Variants in ARHGAP15 observed in about 807,000 individuals in gnomAD.
The protein encoded by ARHGAP15 is Rho GTPase activating protein 15.
Under a neutral mutation model 63.7 loss-of-function variants are expected in ARHGAP15, and 51 were observed. The ratio of observed to expected loss-of-function variants is 0.80; its 90% CI spans 0.64 to 1.01. ARHGAP15 has a LOEUF of 1.01. Among genes scored for constraint, ARHGAP15 ranks in the 50% least tolerant of loss-of-function variants. ARHGAP15 has a pLI of 0.00. For synonymous variants in ARHGAP15, 191 were observed against 193.8 expected (o/e 0.99, Z 0.12); for missense variants, 560 against 564.6 (o/e 0.99, Z 0.08).
intron 6 of ARHGAP15, among the ~76,000 whole-genome samples, chr2:143,267,428 T>C (rs961445675): frequency 6.6e-6 from 1 of 152,194 alleles, no homozygotes; most frequent in Non-Finnish European, 1.5e-5. Flanking sequence ...TGCATGCCGA[T>C]TCATATCTAT....
intron 5 of ARHGAP15, among the ~76,000 whole-genome samples, chr2:143,248,703 G>A (rs1261146820): frequency 6.6e-6 from 1 of 152,188 alleles, no homozygotes; most frequent in Non-Finnish European, 1.5e-5. Flanking sequence ...GTTAGCCACA[G>A]TGCTGGGCCC....
At position 143,455,371 on chromosome 2, in the gene ARHGAP15, T is replaced by G. The variant is rs371126382; in HGVS notation, c.703+18329T>G. ...ATTGCCATCTTGGTTTTGGTGGGAT[T>G]TGGCTGGCTTCTTTACCACATCCTT... On this transcript the variant is annotated intron_variant, in intron 8 of 13. Coordinates refer to ENST00000295095, the MANE Select transcript of ARHGAP15 (RefSeq NM_018460.4). Among the ~76,000 whole-genome samples, 11 of 151,918 alleles carry G rather than the reference T, an allele frequency of 7.2e-5. No individual in the cohort carries two copies. In the East Asian group the frequency reaches 1.9e-3, roughly 27 times the overall value.
At chr2:143,131,590 C>G (rs1193481956) in intron 1 of ARHGAP15, among the ~76,000 whole-genome samples, 2 of 152,170 alleles carry the variant, frequency 1.3e-5, no homozygotes, top group African/African-American at 4.8e-5. Context: ...ATAGACCCTT[C>G]CATTCACTGG....
intron 11 of ARHGAP15, among the ~76,000 whole-genome samples, chr2:143,592,541 G>A (rs946433335): frequency 1.3e-5 from 2 of 152,138 alleles, no homozygotes; most frequent in Non-Finnish European, 2.9e-5. Context: ...AGTGGAGTCT[G>A]CAGCCCTGTG....
At chr2:143,139,899 A>C (rs1463994118) in intron 1 of ARHGAP15, among the ~76,000 whole-genome samples, 1 of 152,142 alleles carries the variant, frequency 6.6e-6, no homozygotes, top group Non-Finnish European at 1.5e-5. Flanking sequence ...CAAGTTACTT[A>C]ATCTTTCTGA....
At chr2:143,721,674 C>T (rs1039184769) in intron 13 of ARHGAP15, among the ~76,000 whole-genome samples, 32 of 151,924 alleles carry the variant, frequency 2.1e-4, no homozygotes, top group Admixed American at 1.1e-3. Context: ...TGCTGAAAAA[C>T]GTGGACCTTT....
At chr2:143,350,363 A>G (rs1685502795) in intron 6 of ARHGAP15, among the ~76,000 whole-genome samples, 1 of 152,144 alleles carries the variant, frequency 6.6e-6, no homozygotes, top group Non-Finnish European at 1.5e-5. Flanking sequence ...AGAACTCTAC[A>G]CTCATGAACA....
rs550059930 is a variant in ARHGAP15, at chr2:143,167,319, T to C, written c.165+11664T>C. Among the ~76,000 whole-genome samples the C allele has an allele frequency of 6.6e-5, 10 of 152,272 alleles. No individual in the cohort carries two copies. The South Asian group carries it at 2.1e-3, about 32-fold the overall frequency. ...CATGCCATTGTAGCCTTTAAAGTAC[T>C]TGCTGGCCATTTTACTAACGTGCAC... is the stretch of plus-strand genomic sequence containing the variant. On this transcript the variant is annotated intron_variant, in intron 2 of 13. Coordinates refer to ENST00000295095, the MANE Select transcript of ARHGAP15 (RefSeq NM_018460.4).
chr2:143,549,478 G>T (rs1000990446), intron 10 of ARHGAP15, among the ~76,000 whole-genome samples: 1 of 152,058 alleles, frequency 6.6e-6, no homozygotes, highest in Admixed American at 6.6e-5. Context: ...GTTCTTTCCA[G>T]GGGTGTCCCA....
intron 11 of ARHGAP15, among the ~76,000 whole-genome samples, chr2:143,570,033 T>C (rs1696387965): frequency 6.6e-6 from 1 of 152,190 alleles, no homozygotes; most frequent in South Asian, 2.1e-4. Context: ...AATTTTATTA[T>C]CTTTAAAGCA....
chr2:143,578,760 A>C (rs953165582), intron 11 of ARHGAP15, among the ~76,000 whole-genome samples: 9 of 152,308 alleles, frequency 5.9e-5, no homozygotes, highest in South Asian at 2.1e-4. Context: ...TTGAATAAAT[A>C]ATTTAGTTTT....
intron 9 of ARHGAP15, among the ~76,000 whole-genome samples, chr2:143,501,191 A>T (rs959428199): frequency 5.3e-5 from 8 of 152,176 alleles, no homozygotes; most frequent in African/African-American, 1.4e-4. Flanking sequence ...AATTTCAGAA[A>T]AACCATTGCT....
chr2:143,219,242 C>T (rs1046919077), intron 4 of ARHGAP15, among the ~76,000 whole-genome samples: 1 of 152,130 alleles, frequency 6.6e-6, no homozygotes, highest in Admixed American at 6.5e-5. Context: ...CAATTGCCTA[C>T]AGTATTCAGT....
rs538338967 is a variant in ARHGAP15 at position 143,638,641 on chromosome 2, T to C, written c.1138+14374T>C. 2.0e-3 allele frequency among the ~76,000 whole-genome samples: 247 copies of C among 124,206 alleles called. 1 individual carries two copies. Among genetic ancestry groups the C allele is most frequent in the African/African-American group, 6.7e-3 (233 of 34,546 alleles). The allele number at this position is 124,206 out of a possible 152,430, so 81.5% of individuals were successfully genotyped here. A position where few individuals can be genotyped will look rare whatever the true frequency, so the allele number is the denominator to read the frequency against. On this transcript the variant is annotated intron_variant, in intron 12 of 13. Transcript: ENST00000295095. ...CAATGTGCACATGTACCCTAAAACT[T>C]AAAGTATAATAATAAAAAATAAATA...
At chr2:143,209,316 A>G (rs776889930) in intron 3 of ARHGAP15, among the ~76,000 whole-genome samples, 1 of 152,150 alleles carries the variant, frequency 6.6e-6, no homozygotes, top group Non-Finnish European at 1.5e-5. Flanking sequence ...TAATTTAATA[A>G]TGCTAATAGA....
intron 12 of ARHGAP15, among the ~76,000 whole-genome samples, chr2:143,646,164 TAATA>T (rs960917831): frequency 2.6e-5 from 4 of 152,044 alleles, no homozygotes; most frequent in African/African-American, 9.7e-5. Context: ...TGCAGCACCA[TAATA>T]AATGTATGAA....
At chr2:143,310,279 A>ATGTC (rs1387092376) in intron 6 of ARHGAP15, among the ~76,000 whole-genome samples, 4 of 152,076 alleles carry the variant, frequency 2.6e-5, no homozygotes, top group Admixed American at 2.6e-4. Flanking sequence ...TCATCAATAA[A>ATGTC]AGCTGACATT....
intron 6 of ARHGAP15, among the ~76,000 whole-genome samples, chr2:143,302,261 A>T (rs1163809975): frequency 6.6e-6 from 1 of 151,676 alleles, no homozygotes; most frequent in Non-Finnish European, 1.5e-5. Flanking sequence ...TTAAAATATC[A>T]CCCCCTCCAC....
chr2:143,145,154 C>T (rs1689529455), intron 1 of ARHGAP15, among the ~76,000 whole-genome samples: 2 of 152,066 alleles, frequency 1.3e-5, no homozygotes, highest in Admixed American at 1.3e-4. Context: ...CTGGTTATTT[C>T]TGACCCTTAC....
Sources: allele counts gnomAD v4.1 joint callset (sites outside exome capture counted in the v4.1 genomes callset), GRCh38; gene constraint gnomAD v4.1.1; transcripts MANE v1.5; gene names NCBI Gene and HGNC (gene_info 2026-07-23, HGNC 2026-07-21).